Variants in NRG3 observed in about 807,000 individuals in gnomAD.
NRG3 encodes pro-neuregulin-3, membrane-bound isoform.
NRG3 carries 31 observed loss-of-function variants against 66.9 expected under a neutral mutation model. The observed-to-expected ratio is 0.46, with a 90% CI of 0.35 to 0.63. NRG3 has a LOEUF of 0.63. Among genes scored for constraint, NRG3 ranks in the 20% least tolerant of loss-of-function variants. The probability of loss-of-function intolerance (pLI) is 0.00; values close to 1 mark genes in which losing one functional copy is unlikely to be tolerated. For synonymous variants in NRG3, 393 were observed against 359.4 expected, an observed-to-expected ratio of 1.09 and a Z score of -1.06; for missense variants, 910 against 878.9, an observed-to-expected ratio of 1.04 and a Z score of -0.45.
At chr10:81,985,077 A>G (rs2060471968) in intron 1 of NRG3, among the ~76,000 whole-genome samples, 1 of 152,240 alleles carries the variant, frequency 6.6e-6, no homozygotes, top group African/African-American at 2.4e-5. Context: ...GATAAATACA[A>G]TAATAGTTAA....
At chr10:82,106,726 G>A (rs987138179) in intron 1 of NRG3, among the ~76,000 whole-genome samples, 2 of 151,998 alleles carry the variant, frequency 1.3e-5, no homozygotes, top group African/African-American at 2.4e-5. Flanking sequence ...GGCTGGTCTC[G>A]AACTCCTGAC....
intron 2 of NRG3, among the ~76,000 whole-genome samples, chr10:82,660,195 TC>T (rs2052222829): frequency 1.8e-4 from 1 of 5,704 alleles, no homozygotes; most frequent in African/African-American, 5.8e-4. Flanking sequence ...AAACTCCCTC[TC>T]AAAAAAAAAA....
intron 2 of NRG3, among the ~76,000 whole-genome samples, chr10:82,418,332 G>T (rs1239237532): frequency 6.6e-6 from 1 of 151,956 alleles, no homozygotes; most frequent in Non-Finnish European, 1.5e-5. Context: ...GAAACTCAGT[G>T]TAAATGTGGA....
At chr10:82,980,997 AG>A (rs1229152305) in intron 8 of NRG3, among the ~76,000 whole-genome samples, 1 of 152,202 alleles carries the variant, frequency 6.6e-6, no homozygotes, top group Non-Finnish European at 1.5e-5. Context: ...AGAACAAGTG[AG>A]GGAAAATCAA....
At chr10:82,078,893 A>G (rs1052595957) in intron 1 of NRG3, among the ~76,000 whole-genome samples, 2 of 152,130 alleles carry the variant, frequency 1.3e-5, no homozygotes, top group South Asian at 2.1e-4. Flanking sequence ...TGGGGAAAGG[A>G]CATAGCAAAG....
intron 1 of NRG3, among the ~76,000 whole-genome samples, chr10:81,981,611 T>C (rs1589677395): frequency 1.3e-5 from 2 of 152,296 alleles, no homozygotes; most frequent in East Asian, 3.9e-4. Flanking sequence ...GTGCCCCTCA[T>C]TCTGAAATCA....
At chr10:82,886,050 G>GAGAC (rs1377835806) in intron 4 of NRG3, among the ~76,000 whole-genome samples, 1 of 151,926 alleles carries the variant, frequency 6.6e-6, no homozygotes, top group Non-Finnish European at 1.5e-5. Flanking sequence ...TTTTTTAGTA[G>GAGAC]AGACAGAGTT....
intron 2 of NRG3, among the ~76,000 whole-genome samples, chr10:82,549,950 G>T (rs1406634743): frequency 6.6e-6 from 1 of 152,138 alleles, no homozygotes; most frequent in South Asian, 2.1e-4. Context: ...GTATGGATTA[G>T]AAGAGACAGG....
chr10:82,038,601 C>A (rs947524288), intron 1 of NRG3, among the ~76,000 whole-genome samples: 1 of 152,142 alleles, frequency 6.6e-6, no homozygotes, highest in Admixed American at 6.6e-5. Context: ...CAAGCCTAGA[C>A]ATGGCTTTTA....
chr10:82,200,210 T>C (rs1170994097), intron 1 of NRG3, among the ~76,000 whole-genome samples: 1 of 152,182 alleles, frequency 6.6e-6, no homozygotes, highest in Non-Finnish European at 1.5e-5. Context: ...TCTTCAATTA[T>C]TAGTGCAATT....
At chr10:82,294,877 C>T (rs1393800456) in intron 1 of NRG3, among the ~76,000 whole-genome samples, 3 of 152,068 alleles carry the variant, frequency 2.0e-5, no homozygotes, top group Non-Finnish European at 4.4e-5. Flanking sequence ...CCATTTGTTC[C>T]CTTCTAGCTT....
intron 2 of NRG3, among the ~76,000 whole-genome samples, chr10:82,365,883 A>C (rs1323585476): frequency 1.3e-5 from 2 of 152,200 alleles, no homozygotes; most frequent in African/African-American, 4.8e-5. Flanking sequence ...ACCTTATTTT[A>C]ATGTTTTCTT....
At chr10:82,973,417 G>A (rs906666115) in intron 6 of NRG3, among the ~76,000 whole-genome samples, 1 of 152,170 alleles carries the variant, frequency 6.6e-6, no homozygotes, top group African/African-American at 2.4e-5. Context: ...CTTATTATTA[G>A]TAACCCAGCT....
intron 4 of NRG3, among the ~76,000 whole-genome samples, chr10:82,914,221 C>A (rs2131998980): frequency 6.6e-6 from 1 of 152,016 alleles, no homozygotes; most frequent in African/African-American, 2.4e-5. Flanking sequence ...TCATTAGATC[C>A]TTTGGCCTAA....
Position 82,897,270 on chromosome 10 carries a change from C to T in NRG3, c.1054+31833C>T, listed in dbSNP as rs548444536. Among the ~76,000 whole-genome samples, 5 of 152,252 alleles carry T rather than the reference C, an allele frequency of 3.3e-5. No homozygotes were observed. The South Asian group carries it at 1.0e-3, about 32-fold the overall frequency. On this transcript the variant is annotated intron_variant, in intron 4 of 8. Coordinates refer to ENST00000372141, the MANE Select transcript of NRG3 (RefSeq NM_001010848.4). ...GAGAAAAAAATAGACGTTCCTAAAC[C>T]ATAATCTAATGCTTGAGAGAACAGA...
At chr10:82,427,226 T>C (rs2089508967) in intron 2 of NRG3, among the ~76,000 whole-genome samples, 1 of 152,228 alleles carries the variant, frequency 6.6e-6, no homozygotes, top group African/African-American at 2.4e-5. Flanking sequence ...CAATGTTGAA[T>C]ATAAGAAGCA....
intron 2 of NRG3, among the ~76,000 whole-genome samples, chr10:82,594,277 C>A (rs191785904): frequency 6.6e-6 from 1 of 152,110 alleles, no homozygotes; most frequent in Non-Finnish European, 1.5e-5. Flanking sequence ...CAGACTATAT[C>A]ATTTCTGCAC....
chr10:82,020,574 T>C (rs181658414), intron 1 of NRG3, among the ~76,000 whole-genome samples: 9 of 152,244 alleles, frequency 5.9e-5, no homozygotes, highest in Admixed American at 5.9e-4. Context: ...GAAGAGACTT[T>C]TACCAGATTT....
At chr10:82,486,330 AT>A (rs1444136311) in intron 2 of NRG3, among the ~76,000 whole-genome samples, 2 of 152,234 alleles carry the variant, frequency 1.3e-5, no homozygotes, top group Admixed American at 1.3e-4. Context: ...TCAATGAAGC[AT>A]TATTCATAGT....
Sources: allele counts gnomAD v4.1 joint callset (sites outside exome capture counted in the v4.1 genomes callset), GRCh38; gene constraint gnomAD v4.1.1; transcripts MANE v1.5; gene names NCBI Gene and HGNC (gene_info 2026-07-23, HGNC 2026-07-21).